EDEM1: variants seen among roughly 807,000 people sequenced by gnomAD.
EDEM1 encodes ER degradation enhancing alpha-mannosidase like protein 1.
A neutral mutation model predicts 74.4 loss-of-function variants in EDEM1; 67 were observed. The observed-to-expected ratio is 0.90, with a 90% CI of 0.74 to 1.10. The LOEUF (loss-of-function observed/expected upper bound fraction) is 1.10, where lower values mean the gene tolerates loss of function less well. Among genes scored for constraint, EDEM1 ranks in the 50% least tolerant of loss-of-function variants. The pLI is 0.00. For missense variants in EDEM1, 926 were observed against 851.6 expected, an observed-to-expected ratio of 1.09 and a Z score of -1.09; for synonymous variants, 382 against 335.9, an observed-to-expected ratio of 1.14 and a Z score of -1.50.
At position 5,208,137 on chromosome 3, in the gene EDEM1, C is replaced by T. The variant is rs1413210811; in HGVS notation, c.1383C>T (p.Phe461=). The T allele has an allele frequency of 6.2e-6, 10 of 1,611,110 alleles. No homozygotes were observed. The highest frequency in any genetic ancestry group is 8.5e-6 in the Non-Finnish European group (10 of 1,179,248). The stretch of plus-strand genomic sequence containing the variant: ...AAGATGCCATCTGCCTTCATGCCTT[C>T]TACTATGCCATATGGAAACGATATG... ...DVEDAICLHA[F]YYAIWKRYGA... is the part of the protein sequence containing the mutation. Residue 461 remains phenylalanine, a synonymous_variant, in exon 8 of 12, where the codon TTC becomes TTT. Transcript: ENST00000256497.
intron 1 of EDEM1, among the ~76,000 whole-genome samples, chr3:5,190,296 T>A (rs1160619941): frequency 6.6e-6 from 1 of 152,240 alleles, no homozygotes; most frequent in Non-Finnish European, 1.5e-5. Context: ...CCTTTATTCC[T>A]GCTCACAGAC....
rs1259360773 is a variant in EDEM1, at chr3:5,210,268, A to G, written c.1583+20A>G. On this transcript the variant is annotated intron_variant, in intron 9 of 11. Coordinates refer to ENST00000256497, the MANE Select transcript of EDEM1 (RefSeq NM_014674.3). ...AGTCAAGTCAGTTTTCTAAGTTCCT[A>G]CCTTTTTCTGTCAGCCACTTTTAAT... 6.2e-7 allele frequency: 1 copy of G among 1,606,022 alleles called. No individual in the cohort carries two copies. Among genetic ancestry groups the G allele is most frequent in the South Asian group, 1.1e-5 (1 of 90,562 alleles).
chr3:5,197,544 C>T (rs2054984386), intron 2 of EDEM1, among the ~76,000 whole-genome samples: 1 of 152,200 alleles, frequency 6.6e-6, no homozygotes, highest in Non-Finnish European at 1.5e-5. Flanking sequence ...CCTGTCAGCA[C>T]CTGCAGCTTC....
intron 1 of EDEM1, among the ~76,000 whole-genome samples, chr3:5,190,709 C>T (rs1406675043): frequency 6.6e-6 from 1 of 152,144 alleles, no homozygotes; most frequent in Non-Finnish European, 1.5e-5. Context: ...GGGTTGTGCC[C>T]TGAGCTGGGT....
chr3:5,199,531 G>A, intron 2 of EDEM1, 61 bp from the exon 3 acceptor site: 1 of 1,280,340 alleles, frequency 7.8e-7, no homozygotes, highest in South Asian at 1.3e-5. Context: ...GGGCTGCTGT[G>A]ATGATACAGC....
At position 5,188,321 on chromosome 3, in the gene EDEM1, A is replaced by G; in HGVS notation, c.509+7A>G. ...GGCCCGACCGCGGGGACCCGTGAGT[A>G]GCCCCCGCCGCCCGGGGCCGCGCGC... On this transcript the variant is annotated splice_region_variant and intron_variant, in intron 1 of 11. Transcript: ENST00000256497. 1 of 1,465,750 alleles carries G rather than the reference A, an allele frequency of 6.8e-7. No homozygotes were observed. The highest frequency in any genetic ancestry group is 1.4e-5 in the South Asian group (1 of 72,844). 90.8% of individuals were successfully genotyped at this position (1,465,750 alleles called of 1,614,324 possible).
chr3:5,201,886 G>T lies in EDEM1; in HGVS notation c.820G>T (p.Ala274Ser). Residue 274 changes from alanine (A) to serine (S), a missense_variant, in exon 4 of 12, where the codon GCT becomes TCT. Ala to Ser is a moderately conservative substitution (Grantham distance 99). Coordinates refer to ENST00000256497, the MANE Select transcript of EDEM1 (RefSeq NM_014674.3). ...TGACCTGGCGGTGCGGCTCCTCCCTGCTTTTGAAAACACCAAGACAGGGAT... is the reference window on the plus strand; with the variant it reads ...TGACCTGGCGGTGCGGCTCCTCCCTTCTTTTGAAAACACCAAGACAGGGAT... ...AHDLAVRLLP[A>S]FENTKTGIPY... The T allele has an allele frequency of 6.2e-7, 1 of 1,614,114 alleles. No homozygotes were observed. Among genetic ancestry groups the T allele is most frequent in the Non-Finnish European group, 8.5e-7 (1 of 1,180,012 alleles).
chr3:5,213,259 A>G, intron 10 of EDEM1, 60 bp from the exon 11 acceptor site: 3 of 1,514,834 alleles, frequency 2.0e-6, no homozygotes, highest in Non-Finnish European at 1.8e-6. Context: ...ACACGCCCCC[A>G]TGATTCAGTT....
Position 5,188,272 on chromosome 3 carries a change from A to T in EDEM1, c.467A>T (p.Asn156Ile). The change falls in exon 1 of 12, where the codon AAC becomes ATC. Residue 156 changes from asparagine to isoleucine, a missense_variant. Asn to Ile is a moderately radical substitution (Grantham distance 149). Transcript: ENST00000256497. ...MAHAFPQDEL[N>I]PIHCRGRGPD... ...CACGCCTTCCCCCAGGACGAGCTCA[A>T]CCCCATCCACTGCCGCGGCCGTGGG... 1.2e-5 allele frequency: 18 copies of T among 1,553,608 alleles called. No individual in the cohort carries two copies. The highest frequency in any genetic ancestry group is 1.6e-5 in the Non-Finnish European group (18 of 1,150,908).
chr3:5,217,236 C>G lies in EDEM1; in HGVS notation c.*1318C>G, dbSNP rs2055250587. ...TGTTTTTTTGTTATTATTTTCTTAG[C>G]CAGAACATCTCTCTTTGAACTCACA... On this transcript the variant is annotated 3_prime_UTR_variant, in exon 12 of 12. Coordinates refer to ENST00000256497, the MANE Select transcript of EDEM1 (RefSeq NM_014674.3). 1 of 152,604 alleles carries G rather than the reference C, an allele frequency of 6.6e-6. No individual in the cohort carries two copies. The highest frequency in any genetic ancestry group is 6.6e-5 in the Admixed American group (1 of 15,266). 9.5% of individuals were successfully genotyped at this position (152,604 alleles called of 1,614,324 possible). A position where few individuals can be genotyped will look rare whatever the true frequency, so the allele number is the denominator to read the frequency against.
chr3:5,199,514 C>T lies in EDEM1; in HGVS notation c.583-78C>T, dbSNP rs113564295. ...AAACCACATACAGACATTTAGGTGACGTGACTGGGCTGCTGTGATGATACA... is the reference window on the plus strand; with the variant it reads ...AAACCACATACAGACATTTAGGTGATGTGACTGGGCTGCTGTGATGATACA... On this transcript the variant is annotated intron_variant, in intron 2 of 11. Coordinates refer to ENST00000256497, the MANE Select transcript of EDEM1 (RefSeq NM_014674.3). 3.5e-3 allele frequency: 3,544 copies of T among 1,013,508 alleles called. 94 individuals are homozygous for T. The African/African-American group carries it at 0.051, about 14-fold the overall frequency. The allele number at this position is 1,013,508 out of a possible 1,614,324, so 62.8% of individuals were successfully genotyped here.
At chr3:5,188,658 C>G (rs180733) in intron 1 of EDEM1, among the ~76,000 whole-genome samples, 122,665 of 152,178 alleles carry the variant, frequency 0.81, 49,781 homozygotes, top group East Asian at 0.94. Context: ...TTCCATCCGA[C>G]CCCTTCCTCC....
intron 1 of EDEM1, chr3:5,189,581 A>G (rs2054874291): frequency 6.6e-6 from 1 of 152,212 alleles, no homozygotes; most frequent in South Asian, 2.1e-4. Flanking sequence ...TTTTGAAAAA[A>G]AAGTATTTGG....
intron 1 of EDEM1, among the ~76,000 whole-genome samples, chr3:5,192,979 A>G (rs1414360712): frequency 6.6e-6 from 1 of 151,994 alleles, no homozygotes; most frequent in Admixed American, 6.5e-5. Flanking sequence ...GGCATTGTAA[A>G]AAATATTTTA....
In EDEM1 at chr3:5,218,984, C is replaced by G. The variant is rs2055278026; in HGVS notation, c.*3066C>G. ...TTTTCTATGTATTTAAAGAAAAATG[C>G]ACCAGGATGGTGTCTGTGCACGTGA... On this transcript the variant is annotated 3_prime_UTR_variant, in exon 12 of 12. Coordinates refer to ENST00000256497, the MANE Select transcript of EDEM1 (RefSeq NM_014674.3). 6.6e-6 allele frequency: 1 copy of G among 152,052 alleles called. No homozygotes were observed. The highest frequency in any genetic ancestry group is 2.1e-4 in the South Asian group (1 of 4,828). 9.4% of individuals were successfully genotyped at this position (152,052 alleles called of 1,614,324 possible). A position where few individuals can be genotyped will look rare whatever the true frequency, so the allele number is the denominator to read the frequency against.
chr3:5,217,770 T>C lies in EDEM1; in HGVS notation c.*1852T>C, dbSNP rs1293277084. 5 of 152,294 alleles carry C rather than the reference T, an allele frequency of 3.3e-5. No homozygotes were observed. Among genetic ancestry groups the C allele is most frequent in the South Asian group, 2.1e-4 (1 of 4,824 alleles). The allele number at this position is 152,294 out of a possible 1,614,324, so 9.4% of individuals were successfully genotyped here. A position where few individuals can be genotyped will look rare whatever the true frequency, so the allele number is the denominator to read the frequency against. On this transcript the variant is annotated 3_prime_UTR_variant, in exon 12 of 12. Coordinates refer to ENST00000256497, the MANE Select transcript of EDEM1 (RefSeq NM_014674.3). ...AATATATATATATATTTTAAATGTT[T>C]TCACTGACTCATTGAAAATGTTAAT...
At chr3:5,198,484 A>G (rs990111581) in intron 2 of EDEM1, among the ~76,000 whole-genome samples, 1 of 152,128 alleles carries the variant, frequency 6.6e-6, no homozygotes, top group Non-Finnish European at 1.5e-5. Context: ...AAGCAATCAG[A>G]TATGCATTTT....
At chr3:5,210,386 C>G (rs2055153432) in intron 9 of EDEM1, 138 bp downstream of exon 9, 1 of 819,512 alleles carries the variant, frequency 1.2e-6, no homozygotes. Flanking sequence ...AATTGCTTAC[C>G]TTTTGGTGTA....
rs773409453 is a variant in EDEM1, at chr3:5,210,202, G to A, written c.1537G>A (p.Val513Ile). ...AACCAAGAATCCCTTCTACCTCCAT[G>A]TAGGAATGGATATTCTGCAGAGTCT... is the stretch of plus-strand genomic sequence containing the variant. Reference protein sequence around the residue: ...QATKNPFYLHVGMDILQSLEK... With the variant: ...QATKNPFYLHIGMDILQSLEK... Residue 513 changes from valine (V) to isoleucine (I), a missense_variant, in exon 9 of 12, where the codon GTA (valine) becomes ATA (isoleucine). Coordinates refer to ENST00000256497, the MANE Select transcript of EDEM1 (RefSeq NM_014674.3). 1.2e-6 allele frequency: 2 copies of A among 1,614,182 alleles called. No individual in the cohort carries two copies. The highest frequency in any genetic ancestry group is 1.7e-6 in the Non-Finnish European group (2 of 1,180,000).
Sources: allele counts gnomAD v4.1 joint callset (sites outside exome capture counted in the v4.1 genomes callset), GRCh38; gene constraint gnomAD v4.1.1; transcripts MANE v1.5; gene names NCBI Gene and HGNC (gene_info 2026-07-23, HGNC 2026-07-21).